MLIP: variants seen among roughly 807,000 people sequenced by gnomAD.
MLIP encodes the protein muscular LMNA interacting protein, also known as muscular LMNA-interacting protein.
A neutral mutation model predicts 84.8 loss-of-function variants in MLIP; 79 were observed. The ratio of observed to expected loss-of-function variants is 0.93; its 90% CI spans 0.78 to 1.12. The LOEUF is 1.12. Ranked by LOEUF, MLIP falls within the 50% of genes most tolerant of loss-of-function variation. MLIP has a pLI of 0.00. For missense variants in MLIP, 1,257 were observed against 1,160.6 expected (o/e 1.08, Z -1.21); for synonymous variants, 504 against 463.0 (o/e 1.09, Z -1.14).
rs553605180 is a variant in MLIP at position 54,100,428 on chromosome 6, G to A, written c.64-21019G>A. On this transcript the variant is annotated intron_variant, in intron 1 of 12. Coordinates refer to the MLIP transcript ENST00000274897. ...TTCTTCCATCCTATGTTACTGCTTT[G>A]TTACATGCCATGAGAAGAAAATTTT... Among the ~76,000 whole-genome samples the A allele has an allele frequency of 5.9e-4, 89 of 151,870 alleles. 2 individuals carry two copies. In the South Asian group the frequency reaches 0.018, roughly 31 times the overall value.
At chr6:54,191,513 G>T (rs897069915) in intron 10 of MLIP, among the ~76,000 whole-genome samples, 3 of 152,138 alleles carry the variant, frequency 2.0e-5, no homozygotes, top group African/African-American at 7.2e-5. Flanking sequence ...TCTGGGATGA[G>T]TATCAGAAGA....
At chr6:54,075,343 G>A (rs900498500) in intron 1 of MLIP, among the ~76,000 whole-genome samples, 1 of 151,026 alleles carries the variant, frequency 6.6e-6, no homozygotes, top group Non-Finnish European at 1.5e-5. Flanking sequence ...GGTAATTTAT[G>A]ATTATTTGTC....
chr6:54,167,925 G>A (rs776758732), intron 8 of MLIP, among the ~76,000 whole-genome samples: 2 of 151,748 alleles, frequency 1.3e-5, no homozygotes, highest in Admixed American at 1.3e-4. Context: ...GATATCAAAA[G>A]TTTGGGTTAG....
chr6:54,020,307 C>T (rs564456848), intron 1 of MLIP, among the ~76,000 whole-genome samples: 1 of 152,252 alleles, frequency 6.6e-6, no homozygotes, highest in Admixed American at 6.5e-5. Context: ...TAGCCTAAGC[C>T]TATTTTTAAA....
chr6:54,044,943 A>G (rs1764951427), intron 1 of MLIP, among the ~76,000 whole-genome samples: 3 of 152,310 alleles, frequency 2.0e-5, no homozygotes, highest in South Asian at 2.1e-4. Flanking sequence ...TTAATATTTG[A>G]TATGTAGAAA....
At chr6:54,235,604 C>A (rs543124226) in intron 12 of MLIP, among the ~76,000 whole-genome samples, 130 of 152,266 alleles carry the variant, frequency 8.5e-4, no homozygotes, top group African/African-American at 3.1e-3. Flanking sequence ...TAATGATGAA[C>A]AATTTCTACA....
rs533674020 is a variant in MLIP at position 54,173,630 on chromosome 6, A to C, written c.2544+4058A>C. On this transcript the variant is annotated intron_variant, in intron 9 of 13. Coordinates refer to ENST00000502396, the MANE Select transcript of MLIP (RefSeq NM_001281747.2). ...TACATAGTAGGTATGTATGGGGTAC[A>C]TGAGATATTTTGATATAGGAATGCA... Among the ~76,000 whole-genome samples, 5 of 151,998 alleles carry C rather than the reference A, an allele frequency of 3.3e-5. No homozygotes were observed. The East Asian group carries it at 9.7e-4, about 30-fold the overall frequency.
intron 1 of MLIP, among the ~76,000 whole-genome samples, chr6:54,026,470 A>G (rs891155408): frequency 3.3e-5 from 5 of 152,346 alleles, no homozygotes; most frequent in Non-Finnish European, 5.9e-5. Context: ...CTTTGAGCCA[A>G]TAACAAAAAT....
intron 12 of MLIP, among the ~76,000 whole-genome samples, chr6:54,255,909 C>T (rs1782974715): frequency 6.6e-6 from 1 of 152,162 alleles, no homozygotes; most frequent in South Asian, 2.1e-4. Context: ...ATACCAATGA[C>T]TGTGCTATTT....
intron 8 of MLIP, among the ~76,000 whole-genome samples, chr6:54,168,107 G>A (rs1775382102): frequency 6.6e-6 from 1 of 151,838 alleles, no homozygotes; most frequent in Non-Finnish European, 1.5e-5. Context: ...ATATTGGTCA[G>A]ATTTTTTATT....
At chr6:54,116,482 A>T (rs1273078232) in intron 1 of MLIP, among the ~76,000 whole-genome samples, 1 of 152,224 alleles carries the variant, frequency 6.6e-6, no homozygotes, top group African/African-American at 2.4e-5. Flanking sequence ...ATACCAAAAA[A>T]TTGGATAAGC....
At position 54,137,989 on chromosome 6, in the gene MLIP, T is replaced by G; in HGVS notation, c.1920T>G (p.Ala640=). 2 of 1,536,088 alleles carry G rather than the reference T, an allele frequency of 1.3e-6. No homozygotes were observed. Among genetic ancestry groups the G allele is most frequent in the South Asian group, 2.4e-5 (2 of 84,050 alleles). The part of the protein sequence containing the change: ...QLSGQELNPS[A]LPSLPVSSAD... ...CTGGCCAGGAGCTGAATCCTTCAGCTCTTCCTTCACTCCCTGTCTCCAGTG... is the reference window on the plus strand; with the variant it reads ...CTGGCCAGGAGCTGAATCCTTCAGCGCTTCCTTCACTCCCTGTCTCCAGTG... The change falls in exon 4 of 14, where the codon GCT becomes GCG. Residue 640 remains alanine, a synonymous_variant. Transcript: ENST00000502396.
chr6:54,076,481 G>A (rs1186779669), intron 1 of MLIP, among the ~76,000 whole-genome samples: 1 of 152,180 alleles, frequency 6.6e-6, no homozygotes, highest in African/African-American at 2.4e-5. Context: ...AAAGACTACT[G>A]GACCTGTTTC....
At chr6:54,252,146 A>ATAACATATAATATATAACTATAT (rs1562109983) in intron 12 of MLIP, among the ~76,000 whole-genome samples, 2 of 68,804 alleles carry the variant, frequency 2.9e-5, no homozygotes, top group African/African-American at 2.3e-4. Context: ...TATAACTATA[A>ATAACATATAATATATAACTATAT]TATAACATAT....
At chr6:54,204,497 G>T (rs180806103) in intron 11 of MLIP, among the ~76,000 whole-genome samples, 35 of 152,198 alleles carry the variant, frequency 2.3e-4, no homozygotes, top group African/African-American at 7.7e-4. Flanking sequence ...ATTATCCATG[G>T]AACCTACATT....
At chr6:54,255,755 G>A (rs908862324) in intron 12 of MLIP, among the ~76,000 whole-genome samples, 4 of 152,256 alleles carry the variant, frequency 2.6e-5, no homozygotes, top group African/African-American at 9.6e-5. Flanking sequence ...TCTAATCTCA[G>A]TTGAATGCTT....
intron 1 of MLIP, among the ~76,000 whole-genome samples, chr6:54,083,886 G>A (rs1051154664): frequency 6.6e-6 from 1 of 152,110 alleles, no homozygotes; most frequent in Non-Finnish European, 1.5e-5. Flanking sequence ...TAAATTGTTG[G>A]TAGGAATGAG....
chr6:54,025,673 T>C (rs1319800943), intron 1 of MLIP, among the ~76,000 whole-genome samples: 1 of 152,138 alleles, frequency 6.6e-6, no homozygotes, highest in East Asian at 1.9e-4. Flanking sequence ...CCTTAGATGT[T>C]CCTTTTGTCT....
intron 1 of MLIP, among the ~76,000 whole-genome samples, chr6:54,037,525 A>G (rs1476908376): frequency 6.6e-6 from 1 of 151,986 alleles, no homozygotes; most frequent in Non-Finnish European, 1.5e-5. Flanking sequence ...AAGAGGCTTA[A>G]TAGATGTCTC....
Sources: allele counts gnomAD v4.1 joint callset (sites outside exome capture counted in the v4.1 genomes callset), GRCh38; gene constraint gnomAD v4.1.1; transcripts MANE v1.5; gene names NCBI Gene and HGNC (gene_info 2026-07-23, HGNC 2026-07-21).